The following SEL1L2 variants were observed in gnomAD, a reference collection of about 807,000 sequenced individuals.
The protein encoded by SEL1L2 is SEL1L2 adaptor subunit of SYVN1 ubiquitin ligase, also known as protein sel-1 homolog 2.
A neutral mutation model predicts 98.8 loss-of-function variants in SEL1L2; 89 were observed. The observed-to-expected ratio is 0.90, with a 90% CI of 0.76 to 1.07. The LOEUF is 1.07. SEL1L2 is among the 50% of genes least tolerant of loss of function. The probability of loss-of-function intolerance (pLI) is 0.00; values close to 1 mark genes in which losing one functional copy is unlikely to be tolerated. For missense variants in SEL1L2, 788 were observed against 812.0 expected (o/e 0.97, Z 0.36); for synonymous variants, 262 against 278.5 (o/e 0.94, Z 0.59).
chr20:13,864,778 T>C (rs1407027303), intron 17 of SEL1L2, among the ~76,000 whole-genome samples: 1 of 152,152 alleles, frequency 6.6e-6, no homozygotes, highest in African/African-American at 2.4e-5. Flanking sequence ...CATAACTAAT[T>C]TTGCTTGTAA....
chr20:13,948,488 A>G (rs1436023025), intron 2 of SEL1L2, among the ~76,000 whole-genome samples: 1 of 152,236 alleles, frequency 6.6e-6, no homozygotes, highest in African/African-American at 2.4e-5. Context: ...AAGAGTGCCA[A>G]GACCATTCAG....
At chr20:13,878,855 G>C (rs1417485133) in intron 10 of SEL1L2, among the ~76,000 whole-genome samples, 1 of 152,106 alleles carries the variant, frequency 6.6e-6, no homozygotes, top group Non-Finnish European at 1.5e-5. Context: ...TCCTGAGAAA[G>C]AAAATATATA....
chr20:13,984,428 T>C (rs2052039732), intron 1 of SEL1L2, among the ~76,000 whole-genome samples: 1 of 152,218 alleles, frequency 6.6e-6, no homozygotes, highest in Non-Finnish European at 1.5e-5. Flanking sequence ...TCTGTGGCAT[T>C]TGGCATTGTT....
intron 17 of SEL1L2, among the ~76,000 whole-genome samples, chr20:13,862,672 T>A (rs922035066): frequency 7.3e-5 from 11 of 151,508 alleles, no homozygotes; most frequent in Admixed American, 2.0e-4. Context: ...CTATAAAATT[T>A]TTATTATTAT....
intron 5 of SEL1L2, among the ~76,000 whole-genome samples, chr20:13,902,432 A>G (rs530700463): frequency 2.0e-5 from 3 of 152,322 alleles, no homozygotes; most frequent in African/African-American, 7.2e-5. Flanking sequence ...GAAGTGATGA[A>G]TAAGTGTTGT....
chr20:13,878,384 A>G (rs2046535272), intron 10 of SEL1L2, among the ~76,000 whole-genome samples: 1 of 151,396 alleles, frequency 6.6e-6, no homozygotes, highest in Non-Finnish European at 1.5e-5. Flanking sequence ...GCTCACTGCA[A>G]CCTCCATCTT....
intron 5 of SEL1L2, among the ~76,000 whole-genome samples, chr20:13,889,319 C>A (rs907164394): frequency 6.6e-6 from 1 of 151,968 alleles, no homozygotes; most frequent in Non-Finnish European, 1.5e-5. Flanking sequence ...ATAACAGCAC[C>A]CTTTTACATT....
intron 1 of SEL1L2, among the ~76,000 whole-genome samples, chr20:13,958,385 G>A (rs1047955403): frequency 2.6e-5 from 4 of 152,080 alleles, no homozygotes; most frequent in Non-Finnish European, 4.4e-5. Context: ...ATTGGAATAC[G>A]CTACTTAAAT....
At chr20:13,873,354 T>A (rs1206179762) in intron 12 of SEL1L2, among the ~76,000 whole-genome samples, 3 of 151,856 alleles carry the variant, frequency 2.0e-5, no homozygotes, top group Admixed American at 6.6e-5. Flanking sequence ...ACTCATTTAT[T>A]TTTATTTATT....
Position 13,881,934 on chromosome 20 carries a change from A to G in SEL1L2, c.957+3413T>C, listed in dbSNP as rs971467180. Among the ~76,000 whole-genome samples, 5 of 152,144 alleles carry G rather than the reference A, an allele frequency of 3.3e-5. No homozygotes were observed. The East Asian group carries it at 9.6e-4, about 29-fold the overall frequency. The stretch of plus-strand genomic sequence containing the variant: ...AGAAGAGAGGATTTTGAATGTTCTC[A>G]CCCCAAAGAAATGACAAGTATTTGT... On this transcript the variant is annotated intron_variant, in intron 10 of 19. Transcript: ENST00000284951.
intron 14 of SEL1L2, among the ~76,000 whole-genome samples, chr20:13,867,158 G>A (rs978314435): frequency 5.3e-5 from 8 of 152,178 alleles, no homozygotes; most frequent in African/African-American, 1.9e-4. Context: ...AGGAGACCAA[G>A]TGATGGTCTC....
chr20:13,896,313 T>C (rs979209458), intron 5 of SEL1L2, among the ~76,000 whole-genome samples: 3 of 151,780 alleles, frequency 2.0e-5, no homozygotes, highest in African/African-American at 7.3e-5. Context: ...CTATTAAAAA[T>C]ACAAAAATTA....
intron 1 of SEL1L2, among the ~76,000 whole-genome samples, chr20:13,980,673 G>C (rs113004008): frequency 0.014 from 2,190 of 152,268 alleles, 48 homozygotes; most frequent in African/African-American, 0.049. Context: ...ATGTCGAAAA[G>C]ATGTCTGCGC....
rs181980204 is a variant in SEL1L2 at position 13,922,850 on chromosome 20, G to A, written c.284-3727C>T. The stretch of plus-strand genomic sequence containing the variant: ...ATTTGTTTTTAAACTTACGTATTAA[G>A]ATTTTAGATTTTGTGGTAAAACATA... On this transcript the variant is annotated intron_variant, in intron 3 of 19. Coordinates refer to ENST00000284951, the MANE Select transcript of SEL1L2 (RefSeq NM_025229.2). Among the ~76,000 whole-genome samples, 115 of 152,242 alleles carry A rather than the reference G, an allele frequency of 7.6e-4. No homozygotes were observed. In the Middle Eastern group the frequency reaches 0.01, roughly 14 times the overall value.
At chr20:13,866,568 A>G in intron 15 of SEL1L2, 134 bp downstream of exon 15, 2 of 731,204 alleles carry the variant, frequency 2.7e-6, no homozygotes, top group South Asian at 7.2e-5. Context: ...GACAAATGTC[A>G]GTATTCACAT....
chr20:13,968,921 A>C (rs1198588468), intron 1 of SEL1L2, among the ~76,000 whole-genome samples: 1 of 152,204 alleles, frequency 6.6e-6, no homozygotes, highest in Non-Finnish European at 1.5e-5. Context: ...TGTATGAACT[A>C]AAATGTATAA....
chr20:13,937,279 A>G (rs2049500210), intron 2 of SEL1L2, among the ~76,000 whole-genome samples: 1 of 152,194 alleles, frequency 6.6e-6, no homozygotes, highest in Non-Finnish European at 1.5e-5. Context: ...TAGGCAGGTG[A>G]AAAAGGGGTC....
chr20:13,949,437 G>T (rs2050161562), intron 2 of SEL1L2, among the ~76,000 whole-genome samples: 1 of 152,210 alleles, frequency 6.6e-6, no homozygotes, highest in Non-Finnish European at 1.5e-5. Flanking sequence ...GGCGGAGGCA[G>T]GCGGATCACG....
chr20:13,973,019 C>T (rs1010817685), intron 1 of SEL1L2, among the ~76,000 whole-genome samples: 1 of 151,918 alleles, frequency 6.6e-6, no homozygotes, highest in Non-Finnish European at 1.5e-5. Context: ...GATATTGTAA[C>T]GTTTGTATGT....
Sources: gnomAD v4.1 joint callset for allele counts (sites outside exome capture counted in the v4.1 genomes callset) on GRCh38, gnomAD v4.1.1 for gene constraint, MANE v1.5 for transcripts, NCBI Gene and HGNC (gene_info 2026-07-23, HGNC 2026-07-21) for gene names.